The following PRELID2 variants were observed in gnomAD, a reference collection of about 807,000 sequenced individuals.
The protein encoded by PRELID2 is PRELI domain containing 2.
A neutral mutation model predicts 28.4 loss-of-function variants in PRELID2; 25 were observed. The ratio of observed to expected loss-of-function variants is 0.88; its 90% CI spans 0.64 to 1.23. The LOEUF is 1.23. Ranked by LOEUF, PRELID2 falls within the 50% of genes most tolerant of loss-of-function variation. The probability of loss-of-function intolerance (pLI) is 0.00; values close to 1 mark genes in which losing one functional copy is unlikely to be tolerated. For missense variants in PRELID2, 201 were observed against 214.4 expected (o/e 0.94, Z 0.39); for synonymous variants, 76 against 71.6 (o/e 1.06, Z -0.31).
rs1390761513 is a variant in PRELID2 at position 145,759,798 on chromosome 5, A to C, written c.*738T>G. 1 of 152,244 alleles carries C rather than the reference A, an allele frequency of 6.6e-6. No homozygotes were observed. Among genetic ancestry groups the C allele is most frequent in the Admixed American group, 6.5e-5 (1 of 15,282 alleles). 9.4% of individuals were successfully genotyped at this position (152,244 alleles called of 1,614,324 possible). A position where few individuals can be genotyped will look rare whatever the true frequency, so the allele number is the denominator to read the frequency against. On this transcript the variant is annotated 3_prime_UTR_variant, in exon 7 of 7. Transcript: ENST00000683046. ...TATCCCCATTTGCCCAATAAAAAAC[A>C]GAGAGGTTAATGATTTGCTTGCTCA...
At chr5:145,592,218 C>T (rs749506271) in intron 1 of PRELID2, among the ~76,000 whole-genome samples, 29 of 152,068 alleles carry the variant, frequency 1.9e-4, no homozygotes, top group Non-Finnish European at 3.5e-4. Flanking sequence ...AGTTTGAGAC[C>T]AGCCTGGCCA....
chr5:145,705,367 G>GT (rs796814237), intron 1 of PRELID2, among the ~76,000 whole-genome samples: 83 of 147,928 alleles, frequency 5.6e-4, no homozygotes, highest in African/African-American at 2.0e-3. Context: ...ATTTTTGTGG[G>GT]TTTTTTTTGT....
chr5:145,721,102 G>A (rs972997476), intron 1 of PRELID2, among the ~76,000 whole-genome samples: 1 of 151,794 alleles, frequency 6.6e-6, no homozygotes, highest in Non-Finnish European at 1.5e-5. Context: ...TCCCTTTAAG[G>A]TCTGTCTTAA....
the PRELID2 span, among the ~76,000 whole-genome samples, chr5:145,328,925 T>G: frequency 6.6e-6 from 1 of 152,228 alleles, no homozygotes; most frequent in Non-Finnish European, 1.5e-5. Flanking sequence ...CATTTAAGCC[T>G]TTAATCCATC....
chr5:145,473,369 C>G (rs1335821474), intron 1 of PRELID2: 2 of 152,106 alleles, frequency 1.3e-5, no homozygotes, highest in Non-Finnish European at 2.9e-5. Flanking sequence ...ATAGCTAATA[C>G]ATATAAAATA....
In PRELID2 at chr5:145,742,035, TTAA is replaced by T. The variant is rs1443018927; in HGVS notation, n.70+22893_70+22895del. 7.6e-4 allele frequency among the ~76,000 whole-genome samples: 97 copies of T among 127,876 alleles called. 1 individual carries two copies. Among genetic ancestry groups the T allele is most frequent in the East Asian group, 4.8e-3 (21 of 4,348 alleles). 83.9% of individuals were successfully genotyped at this position (127,876 alleles called of 152,430 possible). On this transcript the variant is annotated intron_variant and non_coding_transcript_variant, in intron 1 of 2. Coordinates refer to the PRELID2 transcript ENST00000510259. ...TATTATAAGTAAATAAATTTATTCA[TTAA>T]TAATAAATAAATTTTATTAATTTAT...
At chr5:145,600,472 T>G (rs1753380561) in intron 1 of PRELID2, among the ~76,000 whole-genome samples, 1 of 147,170 alleles carries the variant, frequency 6.8e-6, no homozygotes, top group South Asian at 2.1e-4. Context: ...ACAGGTGTGA[T>G]GGGGGACACC....
At chr5:145,252,433 C>G in the PRELID2 span, among the ~76,000 whole-genome samples, 1 of 152,066 alleles carries the variant, frequency 6.6e-6, no homozygotes. Context: ...TATTTAATTT[C>G]TCTGTGGTTT....
At chr5:145,720,320 T>C (rs1009122186) in intron 1 of PRELID2, among the ~76,000 whole-genome samples, 12 of 151,270 alleles carry the variant, frequency 7.9e-5, no homozygotes, top group African/African-American at 2.9e-4. Context: ...TTATGAGACA[T>C]TAAAGATAAT....
chr5:145,304,530 C>T, the PRELID2 span, among the ~76,000 whole-genome samples: 1 of 151,976 alleles, frequency 6.6e-6, no homozygotes, highest in Non-Finnish European at 1.5e-5. Flanking sequence ...TTAATCATTC[C>T]TATTATAGAG....
the PRELID2 span, among the ~76,000 whole-genome samples, chr5:145,359,845 A>C: frequency 6.6e-6 from 1 of 152,198 alleles, no homozygotes; most frequent in East Asian, 1.9e-4. Flanking sequence ...ACACTCTACT[A>C]CCAAGCCCTA....
the PRELID2 span, among the ~76,000 whole-genome samples, chr5:145,369,237 T>C: frequency 6.6e-6 from 1 of 151,964 alleles, no homozygotes. Flanking sequence ...AGTAGTTTGC[T>C]GCACCTATTA....
At chr5:145,259,635 A>T in the PRELID2 span, among the ~76,000 whole-genome samples, 6 of 152,190 alleles carry the variant, frequency 3.9e-5, no homozygotes, top group African/African-American at 1.4e-4. Flanking sequence ...GAATGAGAAT[A>T]TCTACCCAGT....
chr5:145,398,975 A>G, the PRELID2 span, among the ~76,000 whole-genome samples: 4 of 152,136 alleles, frequency 2.6e-5, no homozygotes, highest in African/African-American at 9.7e-5. Context: ...TGAGTGAAGA[A>G]AAAACTTGAT....
intron 1 of PRELID2, among the ~76,000 whole-genome samples, chr5:145,558,306 G>T (rs1307207440): frequency 1.3e-5 from 2 of 152,228 alleles, no homozygotes; most frequent in Admixed American, 6.5e-5. Context: ...TGTAGAGGTT[G>T]TTGAAGGGGG....
intron 5 of PRELID2, among the ~76,000 whole-genome samples, chr5:145,769,342 T>TC (rs2149778652): frequency 6.6e-6 from 1 of 152,224 alleles, no homozygotes; most frequent in East Asian, 1.9e-4. Flanking sequence ...ACCAAATGTA[T>TC]CCCCACAAAG....
At chr5:145,721,172 TATC>T (rs1455310357) in intron 1 of PRELID2, among the ~76,000 whole-genome samples, 2 of 152,142 alleles carry the variant, frequency 1.3e-5, no homozygotes, top group African/African-American at 4.8e-5. Context: ...AGAGCAATGA[TATC>T]ATCACTTACC....
At chr5:145,746,958 GA>G (rs1757006081) in intron 1 of PRELID2, among the ~76,000 whole-genome samples, 1 of 152,102 alleles carries the variant, frequency 6.6e-6, no homozygotes, top group South Asian at 2.1e-4. Context: ...AATTAAGGCA[GA>G]AACCAAGAAG....
At chr5:145,465,987 T>C in the PRELID2 span, among the ~76,000 whole-genome samples, 3 of 152,232 alleles carry the variant, frequency 2.0e-5, no homozygotes, top group East Asian at 5.8e-4. Flanking sequence ...TTTAGTGACA[T>C]CTATAATTAT....
Sources: allele counts gnomAD v4.1 joint callset (sites outside exome capture counted in the v4.1 genomes callset), GRCh38; gene constraint gnomAD v4.1.1; transcripts MANE v1.5; gene names NCBI Gene and HGNC (gene_info 2026-07-23, HGNC 2026-07-21).